Variants in CNTN5 observed in about 807,000 individuals in gnomAD.
The protein encoded by CNTN5 is contactin 5, also known as contactin-5.
In CNTN5, 77 loss-of-function variants were observed where a neutral mutation model predicts 129.1. That is an observed-to-expected ratio of 0.60 (90% CI 0.50 to 0.72). CNTN5 has a LOEUF of 0.72. CNTN5 is among the 30% of genes least tolerant of loss of function. The probability of loss-of-function intolerance (pLI) is 0.00; values close to 1 mark genes in which losing one functional copy is unlikely to be tolerated. For missense variants in CNTN5, 1,478 were observed against 1,328.8 expected (o/e 1.11, Z -1.75); for synonymous variants, 509 against 465.6 (o/e 1.09, Z -1.20).
At chr11:99,126,757 T>G (rs2135422004) in intron 1 of CNTN5, among the ~76,000 whole-genome samples, 1 of 152,356 alleles carries the variant, frequency 6.6e-6, no homozygotes, top group South Asian at 2.1e-4. Flanking sequence ...ATTATCACTT[T>G]AACCTTTCAA....
intron 1 of CNTN5, among the ~76,000 whole-genome samples, chr11:99,139,012 G>A (rs1003605532): frequency 2.6e-5 from 4 of 152,072 alleles, no homozygotes; most frequent in African/African-American, 9.7e-5. Flanking sequence ...AGGCAAAAGC[G>A]GGTAGATTGC....
chr11:99,123,389 GGTTT>G (rs1201261473), intron 1 of CNTN5, among the ~76,000 whole-genome samples: 6 of 151,714 alleles, frequency 4.0e-5, no homozygotes, highest in South Asian at 4.2e-4. Context: ...CTTATTAATG[GGTTT>G]GTTTGTTTTT....
intron 3 of CNTN5, among the ~76,000 whole-genome samples, chr11:99,564,976 C>T (rs1004463294): frequency 3.3e-5 from 5 of 152,080 alleles, no homozygotes; most frequent in African/African-American, 4.8e-5. Context: ...TCTTTTTAGA[C>T]TATGGCCAGT....
At chr11:99,115,580 C>G (rs1858007142) in intron 1 of CNTN5, among the ~76,000 whole-genome samples, 1 of 151,922 alleles carries the variant, frequency 6.6e-6, no homozygotes, top group Non-Finnish European at 1.5e-5. Flanking sequence ...GCCAACATGG[C>G]AAAACCCCAT....
intron 13 of CNTN5, among the ~76,000 whole-genome samples, chr11:100,185,725 C>T (rs1352026101): frequency 6.6e-6 from 1 of 152,078 alleles, no homozygotes; most frequent in East Asian, 1.9e-4. Context: ...TCCAATAGAA[C>T]TGGTGATGTT....
chr11:99,842,603 A>T (rs939987771), intron 4 of CNTN5, among the ~76,000 whole-genome samples: 5 of 152,208 alleles, frequency 3.3e-5, no homozygotes, highest in African/African-American at 9.7e-5. Flanking sequence ...TGTGAATTTT[A>T]TGCAGCATAG....
intron 13 of CNTN5, among the ~76,000 whole-genome samples, chr11:100,097,315 T>C (rs1347417386): frequency 1.3e-5 from 2 of 152,116 alleles, no homozygotes; most frequent in African/African-American, 4.8e-5. Flanking sequence ...CTCAAATTCA[T>C]GAACCTGCCT....
At chr11:99,037,726 C>T (rs1177013574) in intron 1 of CNTN5, among the ~76,000 whole-genome samples, 5 of 151,518 alleles carry the variant, frequency 3.3e-5, no homozygotes, top group South Asian at 2.1e-4. Flanking sequence ...ATTACAAGCA[C>T]GCCCCACCAC....
At chr11:100,336,758 G>A in intron 21 of CNTN5, 1 of 240,390 alleles carries the variant, frequency 4.2e-6, no homozygotes, top group Non-Finnish European at 8.2e-6. Flanking sequence ...GGAGAGAAAA[G>A]TAGCTAGAGC....
chr11:99,477,172 G>C (rs965500109), intron 2 of CNTN5, among the ~76,000 whole-genome samples: 1 of 151,780 alleles, frequency 6.6e-6, no homozygotes, highest in Non-Finnish European at 1.5e-5. Flanking sequence ...AATTGAAGAA[G>C]CATACAGTTT....
In CNTN5 at chr11:99,957,026, G is replaced by A. The variant is rs200945111; in HGVS notation, c.877+17G>A. 3.1e-6 allele frequency: 5 copies of A among 1,604,020 alleles called. No individual in the cohort carries two copies. The highest frequency in any genetic ancestry group is 2.2e-5 in the East Asian group (1 of 44,740). On this transcript the variant is annotated intron_variant, in intron 8 of 24. Transcript: ENST00000524871. ...GTAATGATGGTAAGTTGCTTGGCCCGTTAAAATGGTCAGCCAACTCTAATT... is the reference window on the plus strand; with the variant it reads ...GTAATGATGGTAAGTTGCTTGGCCCATTAAAATGGTCAGCCAACTCTAATT...
At chr11:99,828,145 T>G (rs1362262212) in intron 4 of CNTN5, among the ~76,000 whole-genome samples, 2 of 152,204 alleles carry the variant, frequency 1.3e-5, no homozygotes, top group African/African-American at 2.4e-5. Flanking sequence ...TCTTCAGAGA[T>G]ATGTACAATG....
intron 2 of CNTN5, among the ~76,000 whole-genome samples, chr11:99,362,903 C>T (rs1272794415): frequency 7.0e-6 from 1 of 142,818 alleles, no homozygotes; most frequent in African/African-American, 2.5e-5. Context: ...CAGTGCCACA[C>T]TGTTTTTATT....
intron 3 of CNTN5, among the ~76,000 whole-genome samples, chr11:99,597,579 G>A (rs537828287): frequency 2.6e-4 from 39 of 152,096 alleles, no homozygotes; most frequent in Admixed American, 3.9e-4. Context: ...TGACTGTCAG[G>A]GTTTTTACCC....
chr11:100,202,688 C>G (rs1171709862), intron 15 of CNTN5, among the ~76,000 whole-genome samples: 2 of 151,820 alleles, frequency 1.3e-5, no homozygotes. Flanking sequence ...ACATTTTTAA[C>G]AGCCCTTTTT....
chr11:100,315,722 T>A (rs1358905903), intron 21 of CNTN5, among the ~76,000 whole-genome samples: 5 of 152,200 alleles, frequency 3.3e-5, no homozygotes, highest in Non-Finnish European at 5.9e-5. Flanking sequence ...AATGTAGACA[T>A]TAATCCATCT....
chr11:100,161,830 TACACACACACACACACAC>T (rs71050053), intron 13 of CNTN5, among the ~76,000 whole-genome samples: 42 of 125,834 alleles, frequency 3.3e-4, no homozygotes, highest in Middle Eastern at 3.7e-3. Flanking sequence ...TGGAGCTTCC[TACACACACACACACACAC>T]ACACACACAC....
At chr11:99,711,599 TTAGG>T (rs1363242457) in intron 3 of CNTN5, among the ~76,000 whole-genome samples, 1 of 151,840 alleles carries the variant, frequency 6.6e-6, no homozygotes, top group African/African-American at 2.4e-5. Flanking sequence ...ATCATTCACG[TTAGG>T]TATTTCTCCT....
At chr11:99,322,181 G>A (rs560630122) in intron 1 of CNTN5, among the ~76,000 whole-genome samples, 6 of 152,170 alleles carry the variant, frequency 3.9e-5, no homozygotes, top group South Asian at 4.1e-4. Context: ...TGAAGGTTGC[G>A]CCAGACTTGG....
Sources: allele counts gnomAD v4.1 joint callset (sites outside exome capture counted in the v4.1 genomes callset), GRCh38; gene constraint gnomAD v4.1.1; transcripts MANE v1.5; gene names NCBI Gene and HGNC (gene_info 2026-07-23, HGNC 2026-07-21).